WFDC8: variants seen among roughly 807,000 people sequenced by gnomAD.
The protein encoded by WFDC8 is WAP four-disulfide core domain protein 8.
A neutral mutation model predicts 27.0 loss-of-function variants in WFDC8; 24 were observed. The ratio of observed to expected loss-of-function variants is 0.89; its 90% CI spans 0.64 to 1.25. The LOEUF is 1.25. Among genes scored for constraint, WFDC8 ranks in the 50% most tolerant of loss-of-function variants. WFDC8 has a pLI of 0.00. For synonymous variants in WFDC8, 106 were observed against 99.7 expected (o/e 1.06, Z -0.38); for missense variants, 287 against 295.9 (o/e 0.97, Z 0.22).
chr20:45,552,082 A>G lies in WFDC8; in HGVS notation c.670T>C (p.Leu224=), dbSNP rs1202746534. Residue 224 remains leucine, a synonymous_variant, in exon 6 of 6, where the codon TTG becomes CTG. Coordinates refer to ENST00000289953, the MANE Select transcript of WFDC8 (RefSeq NM_130896.3). ...CAATGTGAGCAGCACTTTTCCACCAATGGGCACTCCTCATCCTGCAGGCAC... is the reference window on the plus strand; with the variant it reads ...CAATGTGAGCAGCACTTTTCCACCAGTGGGCACTCCTCATCCTGCAGGCAC... ...PKCLQDEECP[L]VEKCCSHCGL... 1.9e-6 allele frequency: 3 copies of G among 1,614,084 alleles called. No homozygotes were observed. Among genetic ancestry groups the G allele is most frequent in the South Asian group, 1.1e-5 (1 of 91,084 alleles).
In WFDC8 at chr20:45,552,166, CT is replaced by C; in HGVS notation, c.587-2del. 1 of 1,613,040 alleles carries C rather than the reference CT, an allele frequency of 6.2e-7. No individual in the cohort carries two copies. The highest frequency in any genetic ancestry group is 1.1e-5 in the South Asian group (1 of 90,596). Reference sequence around the variant, plus strand: ...TTGCGTGGGCAGAAACCTTTTTTGACTTTATGGGGTAAAAGAAAACACTTGA... The same window carrying C: ...TTGCGTGGGCAGAAACCTTTTTTGACTTATGGGGTAAAAGAAAACACTTGA... On this transcript the variant is annotated splice_acceptor_variant, in intron 5 of 5. Transcript: ENST00000289953. LOFTEE classifies it high-confidence loss of function.
At chr20:45,554,401 T>G (rs6514012) in intron 4 of WFDC8, among the ~76,000 whole-genome samples, 58,186 of 151,842 alleles carry the variant, frequency 0.38, 11,615 homozygotes, top group Non-Finnish European at 0.43. Context: ...AGATAGTGGA[T>G]TTTAGGAGTC....
At chr20:45,553,339 G>A (rs548645961) in intron 4 of WFDC8, 63 bp from the exon 5 acceptor site, 14 of 1,557,664 alleles carry the variant, frequency 9.0e-6, no homozygotes, top group South Asian at 8.6e-5. Context: ...CCTTCAAAGA[G>A]CCTTTCCTTC....
At chr20:45,567,147 A>T (rs989668295) in intron 1 of WFDC8, among the ~76,000 whole-genome samples, 1 of 152,238 alleles carries the variant, frequency 6.6e-6, no homozygotes, top group Non-Finnish European at 1.5e-5. Context: ...TGCCAAAAAA[A>T]AATCAACTTT....
rs1423608174 is a variant in WFDC8 at position 45,552,088 on chromosome 20, A to T, written c.664T>A (p.Cys222Ser). Residue 222 changes from cysteine to serine, a missense_variant, in exon 6 of 6, where the codon TGC (cysteine) becomes AGC (serine). By Grantham distance (112) the Cys-to-Ser change is moderately radical (BLOSUM62 -1). Coordinates refer to ENST00000289953, the MANE Select transcript of WFDC8 (RefSeq NM_130896.3). ...DKPKCLQDEE[C>S]PLVEKCCSHC... ...GAGCAGCACTTTTCCACCAATGGGCACTCCTCATCCTGCAGGCACTTGGGT... is the reference window on the plus strand; with the variant it reads ...GAGCAGCACTTTTCCACCAATGGGCTCTCCTCATCCTGCAGGCACTTGGGT... 2.5e-6 allele frequency: 4 copies of T among 1,613,968 alleles called. No individual in the cohort carries two copies. Among genetic ancestry groups the T allele is most frequent in the Non-Finnish European group, 3.4e-6 (4 of 1,179,980 alleles).
At position 45,553,180 on chromosome 20, in the gene WFDC8, C is replaced by G. The variant is rs554404120; in HGVS notation, c.542G>C (p.Cys181Ser). Reference sequence around the variant, plus strand: ...AACAAAGCCACACCTGGATTCACAACATTTGTCTGTCTGGGGACAATCGAT... The same window carrying G: ...AACAAAGCCACACCTGGATTCACAAGATTTGTCTGTCTGGGGACAATCGAT... Reference protein sequence around the residue: ...SDIDCPQTDKCCESRCGFVCA... With the variant: ...SDIDCPQTDKSCESRCGFVCA... The change falls in exon 5 of 6, where the codon TGT becomes TCT. Residue 181 changes from cysteine (C) to serine (S), a missense_variant. Physicochemically the swap from Cys to Ser is moderately radical, Grantham distance 112. Transcript: ENST00000289953. The G allele has an allele frequency of 1.9e-6, 3 of 1,613,832 alleles. No homozygotes were observed. The highest frequency in any genetic ancestry group is 2.5e-6 in the Non-Finnish European group (3 of 1,179,806).
chr20:45,569,831 C>T (rs558591992), intron 1 of WFDC8, among the ~76,000 whole-genome samples: 2 of 152,210 alleles, frequency 1.3e-5, no homozygotes, highest in South Asian at 2.1e-4. Context: ...GTGATACATA[C>T]ACACAATGGA....
chr20:45,575,374 T>C (rs1339412683), intron 1 of WFDC8, among the ~76,000 whole-genome samples: 1 of 152,124 alleles, frequency 6.6e-6, no homozygotes, highest in African/African-American at 2.4e-5. Flanking sequence ...TTCTATACAC[T>C]AACAACAAAC....
At chr20:45,568,966 TCAGATGAATC>T (rs1307027493) in intron 1 of WFDC8, among the ~76,000 whole-genome samples, 1 of 152,244 alleles carries the variant, frequency 6.6e-6, no homozygotes, top group African/African-American at 2.4e-5. Flanking sequence ...TTCTCTGGTA[TCAGATGAATC>T]CAGCTTCTAT....
chr20:45,566,312 C>A (rs975645390), intron 1 of WFDC8, among the ~76,000 whole-genome samples: 1 of 152,078 alleles, frequency 6.6e-6, no homozygotes, highest in African/African-American at 2.4e-5. Flanking sequence ...TAAATTAGAT[C>A]ATTAAAATAA....
intron 1 of WFDC8, among the ~76,000 whole-genome samples, chr20:45,575,449 TAAC>T (rs1316404490): frequency 6.6e-6 from 1 of 151,724 alleles, no homozygotes; most frequent in Non-Finnish European, 1.5e-5. Flanking sequence ...GGAGTAAATT[TAAC>T]AAAGGATATG....
intron 4 of WFDC8, 102 bp from the exon 5 acceptor site, chr20:45,553,378 C>G (rs1305873755): frequency 2.1e-6 from 3 of 1,430,550 alleles, no homozygotes; most frequent in East Asian, 4.8e-5. Flanking sequence ...CTTTCTGCAA[C>G]TTGGTTCACC....
chr20:45,572,001 G>A (rs1330564769), intron 1 of WFDC8, among the ~76,000 whole-genome samples: 2 of 152,146 alleles, frequency 1.3e-5, no homozygotes, highest in Non-Finnish European at 2.9e-5. Flanking sequence ...CCAAATATGG[G>A]ATTGCTGGAT....
intron 1 of WFDC8, among the ~76,000 whole-genome samples, chr20:45,576,517 G>A (rs1349977933): frequency 1.3e-5 from 2 of 150,740 alleles, no homozygotes; most frequent in Admixed American, 6.6e-5. Flanking sequence ...CTTGTGCCTC[G>A]GCCTCCCAAG....
rs747825861 is a variant in WFDC8 at position 45,555,828 on chromosome 20, A to G, written c.318T>C (p.His106=). Residue 106 remains histidine (H), a synonymous_variant, in exon 4 of 6, where the codon CAT becomes CAC. Coordinates refer to ENST00000289953, the MANE Select transcript of WFDC8 (RefSeq NM_130896.3). ...MLPVRHGNCN[H]EAQRWHFDFK... is the part of the protein sequence containing the mutation. ...AGTCAAAATGCCAGCGCTGTGCCTC[A>G]TGATTACAGTTTCCATGCCTCACAG... 2 of 1,614,046 alleles carry G rather than the reference A, an allele frequency of 1.2e-6. No homozygotes were observed. The highest frequency in any genetic ancestry group is 1.7e-6 in the Non-Finnish European group (2 of 1,179,970).
At chr20:45,568,856 T>G in intron 1 of WFDC8, 1 of 294,330 alleles carries the variant, frequency 3.4e-6, no homozygotes. Flanking sequence ...ATGAAAGAAA[T>G]ATGCAGTCAT....
At chr20:45,563,329 G>C (rs1568638757) in intron 1 of WFDC8, among the ~76,000 whole-genome samples, 1 of 152,172 alleles carries the variant, frequency 6.6e-6, no homozygotes, top group Non-Finnish European at 1.5e-5. Context: ...TGGAAGCTTT[G>C]TTGTCATTGT....
chr20:45,565,056 A>AG (rs11433129), intron 1 of WFDC8, among the ~76,000 whole-genome samples: 49,432 of 143,638 alleles, frequency 0.34, 9,073 homozygotes, highest in Non-Finnish European at 0.42. Context: ...AGGAAGGAAG[A>AG]AGAGAGAGGG....
chr20:45,572,166 C>T (rs1306253580), intron 1 of WFDC8, among the ~76,000 whole-genome samples: 2 of 151,932 alleles, frequency 1.3e-5, no homozygotes, highest in Non-Finnish European at 2.9e-5. Flanking sequence ...TTTGGGAGGC[C>T]GAGGCGGGCG....
Sources: allele counts gnomAD v4.1 joint callset (sites outside exome capture counted in the v4.1 genomes callset), GRCh38; gene constraint gnomAD v4.1.1; transcripts MANE v1.5; gene names NCBI Gene and HGNC (gene_info 2026-07-23, HGNC 2026-07-21).